Variants in LDLRAD4 observed in about 807,000 individuals in gnomAD.
The protein encoded by LDLRAD4 is low density lipoprotein receptor class A domain containing 4, also known as low-density lipoprotein receptor class A domain-containing protein 4.
A neutral mutation model predicts 17.0 loss-of-function variants in LDLRAD4; 5 were observed. The observed-to-expected ratio is 0.29, with a 90% confidence interval of 0.15 to 0.62. The LOEUF (loss-of-function observed/expected upper bound fraction) is 0.62. Ranked by LOEUF, LDLRAD4 falls within the 20% of genes least tolerant of loss-of-function variation. The pLI is 0.84. For missense variants in LDLRAD4, 340 were observed against 424.7 expected, an observed-to-expected ratio of 0.80 and a Z score of 1.75; for synonymous variants, 168 against 171.8, an observed-to-expected ratio of 0.98 and a Z score of 0.17.
At position 13,231,231 on chromosome 18, in the gene LDLRAD4, C is replaced by CA. The variant is rs1281809780; in HGVS notation, c.-467+12245dup. 3.9e-5 allele frequency among the ~76,000 whole-genome samples: 6 copies of CA among 152,258 alleles called. No individual in the cohort carries two copies. The East Asian group carries it at 9.7e-4, about 25-fold the overall frequency. On this transcript the variant is annotated intron_variant, in intron 1 of 5. Coordinates refer to the LDLRAD4 transcript ENST00000399848. ...TGGGAGGAAGCGGGAGGGAGAAGGG[C>CA]AAGAGGGGTCTGGACCGGTTTTGCT...
intron 1 of LDLRAD4, chr18:13,241,465 G>C (rs1304383980): frequency 1.3e-5 from 2 of 152,344 alleles, no homozygotes; most frequent in African/African-American, 4.8e-5. Context: ...GCTGAGGATT[G>C]AAATGGAGCA....
intron 2 of LDLRAD4, among the ~76,000 whole-genome samples, chr18:13,411,444 C>G (rs749033208): frequency 6.6e-6 from 1 of 152,134 alleles, no homozygotes; most frequent in Non-Finnish European, 1.5e-5. Flanking sequence ...TTGGCTGTGT[C>G]CTTACCCAAA....
rs1353963279 is a variant in LDLRAD4 at position 13,300,723 on chromosome 18, A to G, written c.-383+22535A>G. Among the ~76,000 whole-genome samples, 1 of 152,188 alleles carries G rather than the reference A, an allele frequency of 6.6e-6. No individual in the cohort carries two copies. Among genetic ancestry groups the G allele is most frequent in the African/African-American group, 2.4e-5 (1 of 41,460 alleles). Reference sequence around the variant, plus strand: ...CACACTAAGAAGTGTCAGAGTGGGCAGAGGGAATGCATTGGGTTGTATTTC... The same window carrying G: ...CACACTAAGAAGTGTCAGAGTGGGCGGAGGGAATGCATTGGGTTGTATTTC... On this transcript the variant is annotated intron_variant, in intron 1 of 5. Coordinates refer to ENST00000359446, the Ensembl canonical transcript of LDLRAD4. This position sits in a 1 kb window ranked among gnomAD's most constrained non-coding sequence, Gnocchi z 4.2.
intron 2 of LDLRAD4, among the ~76,000 whole-genome samples, chr18:13,393,639 C>T (rs1454645172): frequency 5.3e-5 from 8 of 152,180 alleles, no homozygotes; most frequent in Admixed American, 5.2e-4. Flanking sequence ...CTCCCTGCCT[C>T]CGTTCTCTCC....
chr18:13,219,436 CT>C (rs2041326822), intron 1 of LDLRAD4, among the ~76,000 whole-genome samples: 1 of 152,008 alleles, frequency 6.6e-6, no homozygotes, highest in African/African-American at 2.4e-5. Context: ...CTCTTTTTCT[CT>C]TTTCTAATTA....
intron 3 of LDLRAD4, among the ~76,000 whole-genome samples, chr18:13,492,880 A>G (rs1017893277): frequency 3.3e-5 from 5 of 152,190 alleles, no homozygotes; most frequent in African/African-American, 7.2e-5. Flanking sequence ...CTGTAATCCT[A>G]GCACTTTGGG....
rs137867858 is a variant in LDLRAD4, at chr18:13,570,265, A to T, written c.182-50852A>T. Among the ~76,000 whole-genome samples, 49 of 152,312 alleles carry T rather than the reference A, an allele frequency of 3.2e-4. No homozygotes were observed. In the East Asian group the frequency reaches 6.9e-3, roughly 22 times the overall value. On this transcript the variant is annotated intron_variant, in intron 3 of 5. Coordinates refer to ENST00000359446, the Ensembl canonical transcript of LDLRAD4. The stretch of plus-strand genomic sequence containing the variant: ...CATGTGGGGGGCCTGGTCTGTGCGC[A>T]GGTCAGCCCTTCTGTGGGTAGTGGT...
intron 3 of LDLRAD4, among the ~76,000 whole-genome samples, chr18:13,528,660 G>A (rs1252750246): frequency 6.6e-6 from 1 of 152,210 alleles, no homozygotes; most frequent in Non-Finnish European, 1.5e-5. Flanking sequence ...TCTCAACAAG[G>A]TTAGTATAAT....
intron 3 of LDLRAD4, among the ~76,000 whole-genome samples, chr18:13,576,247 C>T (rs1348739949): frequency 2.6e-5 from 4 of 151,918 alleles, no homozygotes; most frequent in Non-Finnish European, 4.4e-5. Context: ...CACGGGGAAA[C>T]CTGTCTCTAC....
chr18:13,445,576 G>GTGTA (rs2091338900), intron 3 of LDLRAD4, among the ~76,000 whole-genome samples: 1 of 151,660 alleles, frequency 6.6e-6, no homozygotes, highest in Non-Finnish European at 1.5e-5. Flanking sequence ...GCATGTGTGT[G>GTGTA]TGTATGCGTG....
At chr18:13,266,099 C>T (rs887760701) in intron 1 of LDLRAD4, among the ~76,000 whole-genome samples, 5 of 152,204 alleles carry the variant, frequency 3.3e-5, no homozygotes, top group Middle Eastern at 3.2e-3. Flanking sequence ...TGGCAGTGAA[C>T]GTGTGTTTTA....
chr18:13,402,364 GT>G (rs2087306808), intron 2 of LDLRAD4, among the ~76,000 whole-genome samples: 1 of 152,124 alleles, frequency 6.6e-6, no homozygotes, highest in Non-Finnish European at 1.5e-5. Flanking sequence ...CACTTCTAGC[GT>G]TAATGGTTCC....
chr18:13,381,054 C>T (rs2085320147), intron 1 of LDLRAD4, among the ~76,000 whole-genome samples: 1 of 150,346 alleles, frequency 6.7e-6, no homozygotes, highest in Admixed American at 6.7e-5. Flanking sequence ...TGCACTGTGT[C>T]CCTTTCTTTT....
intron 3 of LDLRAD4, among the ~76,000 whole-genome samples, chr18:13,452,822 G>T (rs986377172): frequency 2.0e-5 from 3 of 152,106 alleles, no homozygotes; most frequent in Non-Finnish European, 4.4e-5. Context: ...AGAACTCATC[G>T]GACCCCTCCT....
At chr18:13,511,623 G>T (rs9955173) in intron 3 of LDLRAD4, among the ~76,000 whole-genome samples, 59,739 of 152,064 alleles carry the variant, frequency 0.39, 13,517 homozygotes, top group African/African-American at 0.62. Context: ...TTCTGTAATC[G>T]TTTTCTGATA....
chr18:13,343,686 T>G (rs1226214871), intron 1 of LDLRAD4, among the ~76,000 whole-genome samples: 3 of 152,236 alleles, frequency 2.0e-5, no homozygotes, highest in African/African-American at 7.2e-5. Context: ...TGAACTAGTT[T>G]ACAATCCCAC....
chr18:13,227,327 G>A (rs1205262476), intron 1 of LDLRAD4, among the ~76,000 whole-genome samples: 5 of 152,210 alleles, frequency 3.3e-5, no homozygotes, highest in African/African-American at 1.2e-4. Context: ...GGAAGCAGCT[G>A]GAATGGAGGG....
intron 3 of LDLRAD4, among the ~76,000 whole-genome samples, chr18:13,532,011 G>A (rs1245493978): frequency 6.6e-6 from 1 of 152,148 alleles, no homozygotes; most frequent in East Asian, 1.9e-4. Flanking sequence ...AATGTAGGCA[G>A]AGTGTGGTCC....
chr18:13,607,144 G>A (rs936614001), intron 3 of LDLRAD4, among the ~76,000 whole-genome samples: 2 of 152,154 alleles, frequency 1.3e-5, no homozygotes, highest in African/African-American at 4.8e-5. Context: ...ACAATGAGTG[G>A]GTGGCCGGAT....
Sources: allele counts gnomAD v4.1 joint callset (sites outside exome capture counted in the v4.1 genomes callset), GRCh38; gene constraint gnomAD v4.1.1; non-coding constraint Gnocchi (gnomAD v3.1); transcripts MANE v1.5; gene names NCBI Gene and HGNC (gene_info 2026-07-23, HGNC 2026-07-21).